The following SRRM3 variants were observed in gnomAD, a reference collection of about 807,000 sequenced individuals.
The protein encoded by SRRM3 is serine/arginine repetitive matrix protein 3.
In SRRM3, 27 loss-of-function variants were observed where a neutral mutation model predicts 66.2. That is an observed-to-expected ratio of 0.41 (90% CI 0.30 to 0.56). The LOEUF is 0.56. SRRM3 is among the 20% of genes least tolerant of loss of function. SRRM3 has a pLI of 0.32. For missense variants in SRRM3, 918 were observed against 991.9 expected (o/e 0.93, Z 1.00); for synonymous variants, 391 against 414.9 (o/e 0.94, Z 0.70).
chr7:76,208,277 G>A (rs962849055), intron 1 of SRRM3, among the ~76,000 whole-genome samples: 6 of 152,076 alleles, frequency 3.9e-5, no homozygotes, highest in Non-Finnish European at 7.4e-5. Flanking sequence ...CCTGATTTCC[G>A]CTGGCCTCCA....
In SRRM3 at chr7:76,286,919, A is replaced by G. The variant is rs1554612917; in HGVS notation, c.*1076A>G. The G allele has an allele frequency of 6.5e-6, 1 of 152,680 alleles. No individual in the cohort carries two copies. Among genetic ancestry groups the G allele is most frequent in the East Asian group, 1.9e-4 (1 of 5,174 alleles). 9.5% of individuals were successfully genotyped at this position (152,680 alleles called of 1,614,324 possible). A position where few individuals can be genotyped will look rare whatever the true frequency, so the allele number is the denominator to read the frequency against. On this transcript the variant is annotated 3_prime_UTR_variant, in exon 15 of 15. Coordinates refer to ENST00000611745, the MANE Select transcript of SRRM3 (RefSeq NM_001110199.3). ...CCCAGGGTCACAGGCATAGGATAAC[A>G]TGTGCTTTGGACCTGACAAGGGAGT...
At chr7:76,226,624 CTT>C (rs1160724861) in intron 1 of SRRM3, among the ~76,000 whole-genome samples, 6 of 151,976 alleles carry the variant, frequency 3.9e-5, no homozygotes, top group Non-Finnish European at 5.9e-5. Context: ...GAGTTTTGCT[CTT>C]GTTCCTCAGG....
At chr7:76,250,021 C>CTTTA (rs71082399) in intron 3 of SRRM3, among the ~76,000 whole-genome samples, 429 of 151,622 alleles carry the variant, frequency 2.8e-3, no homozygotes, top group African/African-American at 7.0e-3. Context: ...TTGCAATCAT[C>CTTTA]TTTATTTATT....
Position 76,285,620 on chromosome 7 carries a change from G to A in SRRM3, c.1739G>A (p.Arg580His), listed in dbSNP as rs1229445916. The A allele has an allele frequency of 9.0e-6, 14 of 1,548,840 alleles. No homozygotes were observed. The highest frequency in any genetic ancestry group is 2.0e-5 in the Admixed American group (1 of 50,926). ...CAGCTTTTTCTTCCCGGCAGCGCCC[G>A]CAAGCGTCCTATTCCATACTACCGG... Reference protein sequence around the residue: ...FMEPRRITSARKRPIPYYRPS... With the variant: ...FMEPRRITSAHKRPIPYYRPS... Residue 580 changes from arginine to histidine, a missense_variant, in exon 15 of 15, where the codon CGC becomes CAC. Coordinates refer to ENST00000611745, the MANE Select transcript of SRRM3 (RefSeq NM_001110199.3). This position sits in a 1 kb window ranked among gnomAD's most constrained non-coding sequence, Gnocchi z 4.1.
At position 76,262,546 on chromosome 7, in the gene SRRM3, G is replaced by T. The variant is rs954845596; in HGVS notation, c.674+965G>T. On this transcript the variant is annotated intron_variant, in intron 8 of 14. Coordinates refer to ENST00000611745, the MANE Select transcript of SRRM3 (RefSeq NM_001110199.3). Reference sequence around the variant, plus strand: ...AAAAAAAAAAAAAAACAAAGTCTGGGTGTGGTGGCTCATGCCTGTAATCCC... The same window carrying T: ...AAAAAAAAAAAAAAACAAAGTCTGGTTGTGGTGGCTCATGCCTGTAATCCC... Among the ~76,000 whole-genome samples, 3 of 151,706 alleles carry T rather than the reference G, an allele frequency of 2.0e-5. No homozygotes were observed. In the East Asian group the frequency reaches 5.8e-4, roughly 29 times the overall value.
chr7:76,275,991 G>A (rs577172335), intron 11 of SRRM3, among the ~76,000 whole-genome samples: 1 of 152,002 alleles, frequency 6.6e-6, no homozygotes. Flanking sequence ...GAGGTGGGGG[G>A]ATCACTTGAG....
At chr7:76,231,681 A>G (rs1554604243) in intron 1 of SRRM3, among the ~76,000 whole-genome samples, 3 of 152,266 alleles carry the variant, frequency 2.0e-5, no homozygotes, top group Non-Finnish European at 4.4e-5. Context: ...CTCACAGTTT[A>G]GAATAGGAGT....
At chr7:76,247,995 A>G (rs1801483102) in intron 2 of SRRM3, among the ~76,000 whole-genome samples, 193 bp from the exon 3 acceptor site, 1 of 152,170 alleles carries the variant, frequency 6.6e-6, no homozygotes, top group Non-Finnish European at 1.5e-5. Context: ...GCGCCTGGCC[A>G]GGCTTGTGTA....
At chr7:76,204,232 T>C (rs1487045655) in intron 1 of SRRM3, among the ~76,000 whole-genome samples, 2 of 152,128 alleles carry the variant, frequency 1.3e-5, no homozygotes, top group Non-Finnish European at 2.9e-5. Flanking sequence ...TGCCCATATT[T>C]TATTGTCCCC....
At chr7:76,275,176 T>C (rs1267000162) in intron 11 of SRRM3, among the ~76,000 whole-genome samples, 2 of 151,094 alleles carry the variant, frequency 1.3e-5, no homozygotes, top group Non-Finnish European at 2.9e-5. Context: ...CACGGGCTTC[T>C]ATCTTCAGCT....
chr7:76,239,290 TC>T (rs1473244268), intron 2 of SRRM3, among the ~76,000 whole-genome samples: 1 of 152,156 alleles, frequency 6.6e-6, no homozygotes, highest in Non-Finnish European at 1.5e-5. Flanking sequence ...CACCTCGGCC[TC>T]CCAAAGTGCT....
chr7:76,252,889 C>T (rs142380952), intron 3 of SRRM3, among the ~76,000 whole-genome samples: 5,068 of 152,142 alleles, frequency 0.033, 176 homozygotes, highest in African/African-American at 0.094. Context: ...ACAGGCCAGG[C>T]GCGGTGGCTC....
intron 2 of SRRM3, among the ~76,000 whole-genome samples, chr7:76,244,546 TGAAG>T (rs1801390494): frequency 7.0e-6 from 1 of 143,006 alleles, no homozygotes; most frequent in Non-Finnish European, 1.5e-5. Flanking sequence ...AAAAAAAAGT[TGAAG>T]AAGAAGAAGA....
At chr7:76,219,950 G>A (rs146638181) in intron 1 of SRRM3, among the ~76,000 whole-genome samples, 104 of 152,226 alleles carry the variant, frequency 6.8e-4, no homozygotes, top group African/African-American at 2.4e-3. Flanking sequence ...GGCTGGACTC[G>A]AGGGCTTACA....
At chr7:76,277,716 CAAAAAAAAAA>C (rs386353056) in intron 11 of SRRM3, among the ~76,000 whole-genome samples, 2 of 102,782 alleles carry the variant, frequency 1.9e-5, no homozygotes, top group Non-Finnish European at 3.7e-5. Flanking sequence ...TAAACAACAA[CAAAAAAAAAA>C]AAAAAAAAAG....
chr7:76,239,271 T>C (rs994715617), intron 2 of SRRM3, among the ~76,000 whole-genome samples: 7 of 152,142 alleles, frequency 4.6e-5, no homozygotes, highest in African/African-American at 1.4e-4. Flanking sequence ...TGACCTCAGA[T>C]GATCCACCCA....
chr7:76,256,140 T>C (rs1801706472), intron 3 of SRRM3, among the ~76,000 whole-genome samples: 1 of 152,080 alleles, frequency 6.6e-6, no homozygotes, highest in Non-Finnish European at 1.5e-5. Flanking sequence ...TGAATCTCAC[T>C]CAAGAAAGAC....
intron 4 of SRRM3, 36 bp downstream of exon 4, chr7:76,260,070 G>A (rs1428408460): frequency 3.4e-6 from 5 of 1,452,376 alleles, no homozygotes; most frequent in East Asian, 2.7e-5. Context: ...GGGGGCGCGC[G>A]GGGCTGCCCC....
chr7:76,249,359 G>A (rs1363600362), intron 3 of SRRM3, among the ~76,000 whole-genome samples: 2 of 148,524 alleles, frequency 1.3e-5, no homozygotes, highest in Non-Finnish European at 3.0e-5. Context: ...CAGCCTGGGT[G>A]ACAGAGCGAG....
Sources: allele counts gnomAD v4.1 joint callset (sites outside exome capture counted in the v4.1 genomes callset), GRCh38; gene constraint gnomAD v4.1.1; non-coding constraint Gnocchi (gnomAD v3.1); transcripts MANE v1.5; gene names NCBI Gene and HGNC (gene_info 2026-07-23, HGNC 2026-07-21).